STK33: variants seen among roughly 807,000 people sequenced by gnomAD.
The protein encoded by STK33 is serine/threonine kinase 33.
STK33 carries 52 observed loss-of-function variants against 58.0 expected under a neutral mutation model. The ratio of observed to expected loss-of-function variants is 0.90; its 90% CI spans 0.72 to 1.13. The LOEUF (loss-of-function observed/expected upper bound fraction) is 1.13. STK33 is among the 50% of genes most tolerant of loss of function. The pLI, the probability that STK33 is intolerant of heterozygous loss-of-function variation, is 0.00. For synonymous variants in STK33, 215 were observed against 200.1 expected, an observed-to-expected ratio of 1.07 and a Z score of -0.63; for missense variants, 630 against 604.2, an observed-to-expected ratio of 1.04 and a Z score of -0.45.
chr11:8,429,736 T>C (rs1943190779), intron 14 of STK33, among the ~76,000 whole-genome samples: 1 of 152,124 alleles, frequency 6.6e-6, no homozygotes, highest in Non-Finnish European at 1.5e-5. Flanking sequence ...CTCAAACACT[T>C]GGCTACTTGT....
intron 1 of STK33, among the ~76,000 whole-genome samples, chr11:8,510,293 T>C (rs1252859490): frequency 1.3e-5 from 2 of 152,244 alleles, no homozygotes; most frequent in Non-Finnish European, 2.9e-5. Context: ...GCTGTCTGTA[T>C]ATCTTCTGTT....
chr11:8,336,176 G>A, the STK33 span, among the ~76,000 whole-genome samples: 3 of 152,204 alleles, frequency 2.0e-5, no homozygotes, highest in Non-Finnish European at 4.4e-5. Context: ...TGACCTTGGG[G>A]CCCCACTGGA....
At chr11:8,413,070 T>C (rs1474591384) in intron 15 of STK33, among the ~76,000 whole-genome samples, 1 of 152,164 alleles carries the variant, frequency 6.6e-6, no homozygotes, top group Non-Finnish European at 1.5e-5. Context: ...AGTACAAAAA[T>C]TATTAATTTT....
chr11:8,529,357 A>G (rs1409011288), intron 1 of STK33, among the ~76,000 whole-genome samples: 1 of 152,174 alleles, frequency 6.6e-6, no homozygotes, highest in African/African-American at 2.4e-5. Context: ...AGAGAAAGCT[A>G]GTGTAAGACA....
the STK33 span, among the ~76,000 whole-genome samples, chr11:8,378,131 G>A: frequency 3.9e-5 from 6 of 152,208 alleles, no homozygotes; most frequent in Non-Finnish European, 8.8e-5. Flanking sequence ...GGCTAGGGAG[G>A]CCTCAGTAAA....
chr11:8,452,913 G>A lies in STK33; in HGVS notation c.787-7C>T. The A allele has an allele frequency of 1.2e-6, 2 of 1,613,398 alleles. No homozygotes were observed. Among genetic ancestry groups the A allele is most frequent in the South Asian group, 2.2e-5 (2 of 91,016 alleles). On this transcript the variant is annotated splice_region_variant and splice_polypyrimidine_tract_variant and intron_variant, in intron 10 of 15. Transcript: ENST00000687296. ...CTAAGCCAAAATCAGTCACCTGGGAGAAGAAATTCAAGCACAGTCACCTGT... is the reference window on the plus strand; with the variant it reads ...CTAAGCCAAAATCAGTCACCTGGGAAAAGAAATTCAAGCACAGTCACCTGT...
chr11:8,582,796 A>T (rs567170664), intron 1 of STK33, among the ~76,000 whole-genome samples: 11 of 152,334 alleles, frequency 7.2e-5, no homozygotes, highest in Admixed American at 7.2e-4. Context: ...GGGCTATGGT[A>T]TGTTCAGAAA....
chr11:8,408,436 T>C (rs1939641551), intron 15 of STK33, among the ~76,000 whole-genome samples: 3 of 152,204 alleles, frequency 2.0e-5, no homozygotes, highest in Non-Finnish European at 4.4e-5. Flanking sequence ...TGGTAAAACC[T>C]AAGCCTTATA....
chr11:8,505,314 A>T (rs1437926555), intron 1 of STK33, among the ~76,000 whole-genome samples: 2 of 152,194 alleles, frequency 1.3e-5, no homozygotes, highest in Non-Finnish European at 2.9e-5. Context: ...TCATAGATTT[A>T]TTGAATGTTA....
chr11:8,441,769 G>T (rs544730844), intron 11 of STK33, among the ~76,000 whole-genome samples: 1 of 152,024 alleles, frequency 6.6e-6, no homozygotes, highest in African/African-American at 2.4e-5. Context: ...GTTATAAGCA[G>T]AAAAATACAA....
At chr11:8,520,681 G>A (rs1259906318) in intron 1 of STK33, among the ~76,000 whole-genome samples, 2 of 151,928 alleles carry the variant, frequency 1.3e-5, no homozygotes, top group Non-Finnish European at 2.9e-5. Context: ...AAAATCACAA[G>A]GATTCCTATA....
chr11:8,525,010 T>C (rs531810813), intron 1 of STK33, among the ~76,000 whole-genome samples: 51 of 152,222 alleles, frequency 3.4e-4, no homozygotes, highest in African/African-American at 1.2e-3. Flanking sequence ...ATGTCAACTA[T>C]ACCTAAAAAA....
At chr11:8,395,038 G>A (rs190765105) in intron 15 of STK33, among the ~76,000 whole-genome samples, 1 of 152,274 alleles carries the variant, frequency 6.6e-6, no homozygotes, top group East Asian at 1.9e-4. Context: ...GCATCTTCAA[G>A]CAAATATTAG....
At chr11:8,397,440 T>C (rs1849560077) in intron 15 of STK33, among the ~76,000 whole-genome samples, 1 of 152,040 alleles carries the variant, frequency 6.6e-6, no homozygotes, top group Non-Finnish European at 1.5e-5. Flanking sequence ...AGAAAGGACA[T>C]CCACACCAAA....
intron 13 of STK33, 26 bp downstream of exon 13, chr11:8,436,001 G>C (rs890683238): frequency 9.7e-6 from 13 of 1,340,470 alleles, no homozygotes; most frequent in Non-Finnish European, 1.3e-5. Flanking sequence ...ATTAGCTTTA[G>C]TAAATAATAA....
chr11:8,374,189 C>T, the STK33 span, among the ~76,000 whole-genome samples: 1 of 152,136 alleles, frequency 6.6e-6, no homozygotes, highest in Non-Finnish European at 1.5e-5. Context: ...CCACTGGGCT[C>T]CCACTACCTC....
intron 15 of STK33, among the ~76,000 whole-genome samples, chr11:8,403,043 G>A (rs7929500): frequency 0.61 from 92,227 of 151,952 alleles, 28,915 homozygotes; most frequent in African/African-American, 0.75. Flanking sequence ...ATGAGCTCCC[G>A]TAAGACTGTA....
the STK33 span, among the ~76,000 whole-genome samples, chr11:8,364,264 C>A: frequency 1.3e-5 from 2 of 152,222 alleles, no homozygotes; most frequent in Non-Finnish European, 2.9e-5. Flanking sequence ...ACTCCATTTA[C>A]GTTGGAGTCG....
intron 14 of STK33, among the ~76,000 whole-genome samples, chr11:8,428,344 G>A (rs1943022659): frequency 6.6e-6 from 1 of 152,184 alleles, no homozygotes; most frequent in Non-Finnish European, 1.5e-5. Context: ...AGAGGAAAAA[G>A]GAAAAACCGG....
Sources: gnomAD v4.1 joint callset for allele counts (sites outside exome capture counted in the v4.1 genomes callset) on GRCh38, gnomAD v4.1.1 for gene constraint, MANE v1.5 for transcripts, NCBI Gene and HGNC (gene_info 2026-07-23, HGNC 2026-07-21) for gene names.